RGS9: variants seen among roughly 807,000 people sequenced by gnomAD.
RGS9 encodes regulator of G-protein signalling 9.
In RGS9, 78 loss-of-function variants were observed where a neutral mutation model predicts 102.0. The observed-to-expected ratio is 0.76, with a 90% CI of 0.64 to 0.92. The LOEUF is 0.92. Ranked by LOEUF, RGS9 falls within the 40% of genes least tolerant of loss-of-function variation. RGS9 has a pLI of 0.00. For synonymous variants in RGS9, 353 were observed against 318.6 expected, an observed-to-expected ratio of 1.11 and a Z score of -1.15; for missense variants, 833 against 866.1, an observed-to-expected ratio of 0.96 and a Z score of 0.48.
chr17:65,194,172 C>CT (rs1409091551), intron 12 of RGS9, among the ~76,000 whole-genome samples: 3 of 152,200 alleles, frequency 2.0e-5, no homozygotes, highest in Non-Finnish European at 4.4e-5. Flanking sequence ...TTGCGACGAG[C>CT]TTTTTTCACT....
chr17:65,152,243 C>T (rs996377420), intron 1 of RGS9, among the ~76,000 whole-genome samples: 2 of 152,102 alleles, frequency 1.3e-5, no homozygotes, highest in Admixed American at 6.5e-5. Context: ...TGGGACCCGC[C>T]CAAGGCTGGC....
At chr17:65,157,927 G>A (rs970129571) in intron 2 of RGS9, among the ~76,000 whole-genome samples, 2 of 152,136 alleles carry the variant, frequency 1.3e-5, no homozygotes, top group East Asian at 1.9e-4. Context: ...GTATGTGTGT[G>A]TGTGTGTGTT....
chr17:65,213,496 CTGGTGGTGAGGG>C (rs1913381095), intron 17 of RGS9, among the ~76,000 whole-genome samples: 1 of 151,850 alleles, frequency 6.6e-6, no homozygotes, highest in Admixed American at 6.6e-5. Flanking sequence ...ACCCAGCAGC[CTGGTGGTGAGGG>C]TGGTGGTGAG....
rs569634576 is a variant in RGS9 at position 65,221,980 on chromosome 17, G to A, written c.1408-3022G>A. ...GTGGAGGACACAAATCTTAGACAGC[G>A]CAGCTGGGTTCTCAGCTCAGGGTCT... is the stretch of plus-strand genomic sequence containing the variant. On this transcript the variant is annotated intron_variant, in intron 17 of 18. Coordinates refer to ENST00000262406, the MANE Select transcript of RGS9 (RefSeq NM_003835.4). 3.8e-4 allele frequency among the ~76,000 whole-genome samples: 58 copies of A among 152,310 alleles called. 1 individual carries two copies. Among genetic ancestry groups the A allele is most frequent in the East Asian group, 5.8e-4 (3 of 5,182 alleles).
At chr17:65,180,542 GT>G (rs1247190951) in intron 9 of RGS9, among the ~76,000 whole-genome samples, 2 of 152,100 alleles carry the variant, frequency 1.3e-5, no homozygotes, top group Non-Finnish European at 2.9e-5. Context: ...TACAGACGGA[GT>G]TTCTCCATGT....
intron 8 of RGS9, among the ~76,000 whole-genome samples, chr17:65,176,471 C>G (rs1911627230): frequency 6.6e-6 from 1 of 152,204 alleles, no homozygotes; most frequent in African/African-American, 2.4e-5. Context: ...TTCTGCACAG[C>G]TGGGAAGTGG....
At chr17:65,139,416 G>C (rs890920853) in intron 1 of RGS9, among the ~76,000 whole-genome samples, 2 of 151,902 alleles carry the variant, frequency 1.3e-5, no homozygotes, top group Non-Finnish European at 2.9e-5. Context: ...TGAGCAGCCT[G>C]GTTACCCAGG....
intron 2 of RGS9, among the ~76,000 whole-genome samples, chr17:65,154,812 C>A (rs1337013718): frequency 6.6e-6 from 1 of 152,252 alleles, no homozygotes; most frequent in Non-Finnish European, 1.5e-5. Flanking sequence ...AAGCAGACAG[C>A]TTCTCATAGC....
intron 1 of RGS9, among the ~76,000 whole-genome samples, chr17:65,144,967 C>T (rs1164083461): frequency 2.0e-5 from 3 of 152,092 alleles, no homozygotes; most frequent in African/African-American, 4.8e-5. Context: ...CGCAGATGGC[C>T]GTCTTCTCTC....
chr17:65,167,152 A>G (rs1838402123), intron 7 of RGS9, among the ~76,000 whole-genome samples: 1 of 152,174 alleles, frequency 6.6e-6, no homozygotes, highest in African/African-American at 2.4e-5. Context: ...CCAGAGTGGG[A>G]AAGGGAGAGA....
At chr17:65,184,351 A>C (rs372507838) in intron 9 of RGS9, among the ~76,000 whole-genome samples, 20 of 152,192 alleles carry the variant, frequency 1.3e-4, no homozygotes, top group African/African-American at 4.8e-4. Flanking sequence ...CTTTTTTTGC[A>C]TAATAGGTCC....
chr17:65,200,747 T>C (rs1357783650), intron 13 of RGS9, among the ~76,000 whole-genome samples: 1 of 152,186 alleles, frequency 6.6e-6, no homozygotes, highest in African/African-American at 2.4e-5. Context: ...AGACCACTTA[T>C]AGGTGGATTT....
chr17:65,147,120 A>G (rs1910395220), intron 1 of RGS9, among the ~76,000 whole-genome samples: 1 of 152,126 alleles, frequency 6.6e-6, no homozygotes, highest in African/African-American at 2.4e-5. Context: ...TGACCCAGTG[A>G]CCTCAGATGC....
intron 9 of RGS9, among the ~76,000 whole-genome samples, chr17:65,186,166 A>T (rs572359131): frequency 2.0e-3 from 170 of 85,574 alleles, no homozygotes; most frequent in Non-Finnish European, 3.3e-3. Context: ...TTTACATTTT[A>T]TTTATTTATT....
At chr17:65,192,518 G>A (rs1190931437) in intron 11 of RGS9, among the ~76,000 whole-genome samples, 4 of 151,960 alleles carry the variant, frequency 2.6e-5, no homozygotes, top group African/African-American at 7.3e-5. Context: ...TGACACTGAC[G>A]TGGGAGGACG....
chr17:65,200,277 C>T (rs1287351677), intron 13 of RGS9, among the ~76,000 whole-genome samples: 1 of 151,636 alleles, frequency 6.6e-6, no homozygotes, highest in African/African-American at 2.4e-5. Context: ...TGATCCGCCC[C>T]CCTCAGCCTC....
chr17:65,160,566 C>T lies in RGS9; in HGVS notation c.343C>T (p.Pro115Ser). The T allele has an allele frequency of 6.2e-7, 1 of 1,614,208 alleles. No individual in the cohort carries two copies. Among genetic ancestry groups the T allele is most frequent in the South Asian group, 1.1e-5 (1 of 91,088 alleles). ...TPYFWPTQQWPAEDTDYAIYL... is the reference protein window; with the variant it reads ...TPYFWPTQQWSAEDTDYAIYL... ...GTATTTCTGGCCCACCCAGCAGTGGCCAGCTGAAGATACCGATTACGGTAA... is the reference window on the plus strand; with the variant it reads ...GTATTTCTGGCCCACCCAGCAGTGGTCAGCTGAAGATACCGATTACGGTAA... The change falls in exon 5 of 19, where the codon CCA (proline) becomes TCA (serine). Residue 115 changes from proline to serine, a missense_variant. Around this residue, in one of 3 missense-constraint regions of RGS9, gnomAD observed 328 missense variants for 340.6 expected, o/e 0.96. Coordinates refer to ENST00000262406, the MANE Select transcript of RGS9 (RefSeq NM_003835.4).
rs144629356 is a variant in RGS9 at position 65,218,793 on chromosome 17, C to T, written c.1408-6209C>T. Among the ~76,000 whole-genome samples, 304 of 152,346 alleles carry T rather than the reference C, an allele frequency of 2.0e-3. 1 individual carries two copies. Among genetic ancestry groups the T allele is most frequent in the African/African-American group, 7.1e-3 (295 of 41,564 alleles). On this transcript the variant is annotated intron_variant, in intron 17 of 18. Transcript: ENST00000262406. ...GTCAGGCTCTGATAACAGTTTTCCT[C>T]TATCTGTTATGACCACTCAACATTC...
At chr17:65,168,326 C>T in intron 8 of RGS9, 45 bp downstream of exon 8, 2 of 1,345,938 alleles carry the variant, frequency 1.5e-6, no homozygotes, top group South Asian at 2.5e-5. Context: ...TCCTGTGCCT[C>T]CCACCTCCAT....
Sources: gnomAD v4.1 joint callset for allele counts (sites outside exome capture counted in the v4.1 genomes callset) on GRCh38, gnomAD v4.1.1 for gene constraint, gnomAD v4.1.1 regional missense constraint, MANE v1.5 for transcripts, NCBI Gene and HGNC (gene_info 2026-07-23, HGNC 2026-07-21) for gene names.